DPP6: variants seen among roughly 807,000 people sequenced by gnomAD.
DPP6 encodes A-type potassium channel modulatory protein DPP6.
DPP6 carries 69 observed loss-of-function variants against 122.6 expected under a neutral mutation model. The observed-to-expected ratio is 0.56, with a 90% CI of 0.46 to 0.69. The LOEUF (loss-of-function observed/expected upper bound fraction) is 0.69, where lower values mean the gene tolerates loss of function less well. Ranked by LOEUF, DPP6 falls within the 30% of genes least tolerant of loss-of-function variation. The pLI is 0.00. For missense variants in DPP6, 928 were observed against 1,116.9 expected (o/e 0.83, Z 2.41); for synonymous variants, 418 against 433.1 (o/e 0.97, Z 0.43).
chr7:154,329,027 T>G (rs1247505583), intron 1 of DPP6, among the ~76,000 whole-genome samples: 2 of 152,244 alleles, frequency 1.3e-5, no homozygotes, highest in Admixed American at 6.5e-5. Context: ...CTTATTACAT[T>G]TTTTTATTCC....
intron 1 of DPP6, among the ~76,000 whole-genome samples, chr7:154,265,340 A>G (rs570700584): frequency 1.3e-3 from 199 of 152,286 alleles, no homozygotes; most frequent in Non-Finnish European, 2.4e-3. Context: ...GTCTCTCTGA[A>G]ATGAAATGTG....
At chr7:154,836,312 A>G (rs1360988994) in intron 16 of DPP6, among the ~76,000 whole-genome samples, 2 of 152,046 alleles carry the variant, frequency 1.3e-5, no homozygotes, top group African/African-American at 4.8e-5. Context: ...TTCTGCCAGT[A>G]TTTTCTTCTG....
intron 1 of DPP6, among the ~76,000 whole-genome samples, chr7:154,349,155 GTTGTTGTTGT>G (rs1414949257): frequency 6.6e-6 from 1 of 152,144 alleles, no homozygotes; most frequent in Admixed American, 6.5e-5. Flanking sequence ...AATTTTTGTT[GTTGTTGTTGT>G]TTGTTGTTGT....
chr7:154,560,800 T>G (rs1199383530), intron 4 of DPP6, among the ~76,000 whole-genome samples: 1 of 151,680 alleles, frequency 6.6e-6, no homozygotes, highest in African/African-American at 2.4e-5. Flanking sequence ...GGACAATCGC[T>G]TGAACCCAGG....
rs766775050 is a variant in DPP6 at position 154,481,721 on chromosome 7, G to A, written c.457+6684G>A. 1.1e-4 allele frequency among the ~76,000 whole-genome samples: 16 copies of A among 151,860 alleles called. No individual in the cohort carries two copies. Among genetic ancestry groups the A allele is most frequent in the Non-Finnish European group, 1.9e-4 (13 of 67,988 alleles). On this transcript the variant is annotated intron_variant, in intron 3 of 25. Coordinates refer to ENST00000377770, the MANE Select transcript of DPP6 (RefSeq NM_130797.4). This position sits in a 1 kb window ranked among gnomAD's most constrained non-coding sequence, Gnocchi z 4.2. The stretch of plus-strand genomic sequence containing the variant: ...GTCCAGCCCACTCGCTCTCCTCTCC[G>A]CGTCCACTTGTGATCACTCCTAGTC...
chr7:153,956,310 A>G (rs1208032256), intron 1 of DPP6, among the ~76,000 whole-genome samples: 1 of 152,080 alleles, frequency 6.6e-6, no homozygotes, highest in African/African-American at 2.4e-5. Flanking sequence ...GGCAGGAGAC[A>G]AGGCAGGACA....
At chr7:153,925,528 G>A (rs1800855362) in intron 1 of DPP6, among the ~76,000 whole-genome samples, 1 of 151,886 alleles carries the variant, frequency 6.6e-6, no homozygotes, top group South Asian at 2.1e-4. Flanking sequence ...CCTGCATGGT[G>A]GAGGGTCCCC....
rs1554498773 is a variant in DPP6 at position 154,241,185 on chromosome 7, A to ATATG, written c.243+188123_243+188124insATGT. ...GCACAGTAGGTAATTCAATATCAAT[A>ATATG]TGTGTGTGTGTGTGTGTGTGTGTGT... On this transcript the variant is annotated intron_variant, in intron 1 of 25. Coordinates refer to ENST00000377770, the MANE Select transcript of DPP6 (RefSeq NM_130797.4). This position sits in a 1 kb window ranked among gnomAD's most constrained non-coding sequence, Gnocchi z 9.0. Among the ~76,000 whole-genome samples the ATATG allele has an allele frequency of 7.3e-6, 1 of 136,212 alleles. No homozygotes were observed. Among genetic ancestry groups the ATATG allele is most frequent in the Non-Finnish European group, 1.6e-5 (1 of 64,002 alleles). 89.4% of individuals were successfully genotyped at this position (136,212 alleles called of 152,430 possible).
At chr7:153,748,221 GTCTC>G in the DPP6 span, among the ~76,000 whole-genome samples, 1 of 152,118 alleles carries the variant, frequency 6.6e-6, no homozygotes, top group African/African-American at 2.4e-5. Flanking sequence ...CCACTCCACT[GTCTC>G]TCTTTCGCCT....
At chr7:154,811,491 G>C (rs542350158) in intron 16 of DPP6, among the ~76,000 whole-genome samples, 3 of 152,342 alleles carry the variant, frequency 2.0e-5, no homozygotes, top group Admixed American at 6.5e-5. Context: ...AGGTGTCAAT[G>C]ATGAGGTGGC....
chr7:154,495,483 A>G (rs1824655779), intron 3 of DPP6, among the ~76,000 whole-genome samples: 1 of 151,354 alleles, frequency 6.6e-6, no homozygotes. Context: ...TCCACTTCCC[A>G]GGTTCAAACA....
At chr7:154,236,769 A>G (rs543345659) in intron 1 of DPP6, among the ~76,000 whole-genome samples, 1 of 152,158 alleles carries the variant, frequency 6.6e-6, no homozygotes, top group East Asian at 1.9e-4. Context: ...ATTGCTTTAC[A>G]TCCCTAATAA....
chr7:154,214,368 G>A (rs1206158206), intron 1 of DPP6, among the ~76,000 whole-genome samples: 1 of 152,222 alleles, frequency 6.6e-6, no homozygotes, highest in East Asian at 1.9e-4. Context: ...GGGTTCTCAT[G>A]ACCTCTGAGG....
chr7:154,565,751 C>T (rs1401877358), intron 4 of DPP6, among the ~76,000 whole-genome samples: 3 of 152,212 alleles, frequency 2.0e-5, no homozygotes, highest in African/African-American at 7.2e-5. Flanking sequence ...TCTCGAACTC[C>T]TGACCTCAGG....
At chr7:153,829,382 AT>A in the DPP6 span, among the ~76,000 whole-genome samples, 1 of 151,822 alleles carries the variant, frequency 6.6e-6, no homozygotes, top group South Asian at 2.1e-4. Flanking sequence ...TGCCTGGCTA[AT>A]TTTTGTATTT....
intron 1 of DPP6, among the ~76,000 whole-genome samples, chr7:154,238,577 T>C (rs1463303054): frequency 1.3e-5 from 2 of 152,122 alleles, no homozygotes; most frequent in Non-Finnish European, 2.9e-5. Flanking sequence ...CAAACCAAGA[T>C]AGCCACTGCC....
At position 154,481,353 on chromosome 7, in the gene DPP6, G is replaced by GTGTGTGTC. The variant is rs1281219787; in HGVS notation, c.457+6323_457+6324insCTGTGTGT. Among the ~76,000 whole-genome samples, 12 of 151,424 alleles carry GTGTGTGTC rather than the reference G, an allele frequency of 7.9e-5. No individual in the cohort carries two copies. Among genetic ancestry groups the GTGTGTGTC allele is most frequent in the African/African-American group, 2.7e-4 (11 of 41,204 alleles). On this transcript the variant is annotated intron_variant, in intron 3 of 25. Coordinates refer to ENST00000377770, the MANE Select transcript of DPP6 (RefSeq NM_130797.4). The surrounding 1 kb of genome is among the most constrained non-coding windows in gnomAD (Gnocchi z 4.2). ...TGGAGAGAGAGAGAGAGGGGTGTGTGTGTGTGTGTGTGTGTGTGTGTCTGT... is the reference window on the plus strand; with the variant it reads ...TGGAGAGAGAGAGAGAGGGGTGTGTGTGTGTGTCTGTGTGTGTGTGTGTGTGTGTCTGT...
At chr7:154,007,790 T>A (rs1563095451) in intron 1 of DPP6, among the ~76,000 whole-genome samples, 1 of 152,092 alleles carries the variant, frequency 6.6e-6, no homozygotes, top group Admixed American at 6.5e-5. Flanking sequence ...CTGGAGCCAA[T>A]TCTCCACAGA....
chr7:153,865,782 C>T, the DPP6 span, among the ~76,000 whole-genome samples: 1 of 151,560 alleles, frequency 6.6e-6, no homozygotes, highest in Non-Finnish European at 1.5e-5. Context: ...AGGTATATCT[C>T]CTAATGCTAT....
Sources: gnomAD v4.1 joint callset for allele counts (sites outside exome capture counted in the v4.1 genomes callset) on GRCh38, gnomAD v4.1.1 for gene constraint, Gnocchi (gnomAD v3.1) non-coding constraint, MANE v1.5 for transcripts, NCBI Gene and HGNC (gene_info 2026-07-23, HGNC 2026-07-21) for gene names.